The following PRKN variants were observed in gnomAD, a reference collection of about 807,000 sequenced individuals.
PRKN encodes parkin RBR E3 ubiquitin protein ligase.
Under a neutral mutation model 59.5 loss-of-function variants are expected in PRKN, and 56 were observed. The ratio of observed to expected loss-of-function variants is 0.94; its 90% CI spans 0.76 to 1.18. The LOEUF (loss-of-function observed/expected upper bound fraction) is 1.18. PRKN is among the 50% of genes most tolerant of loss of function. The pLI is 0.00. For missense variants in PRKN, 657 were observed against 596.4 expected, an observed-to-expected ratio of 1.10 and a Z score of -1.06; for synonymous variants, 250 against 222.1, an observed-to-expected ratio of 1.13 and a Z score of -1.12.
At chr6:162,475,688 C>T (rs4709629) in intron 1 of PRKN, among the ~76,000 whole-genome samples, 81,348 of 151,448 alleles carry the variant, frequency 0.54, 22,038 homozygotes, top group African/African-American at 0.63. Flanking sequence ...GTCATGCCTC[C>T]GGAAGTACAA....
chr6:161,665,193 T>C (rs1784682762), intron 7 of PRKN, among the ~76,000 whole-genome samples: 1 of 151,952 alleles, frequency 6.6e-6, no homozygotes, highest in Admixed American at 6.5e-5. Context: ...TAAATAATTT[T>C]ATATTTTATT....
chr6:162,632,034 T>G (rs1348536424), intron 1 of PRKN, among the ~76,000 whole-genome samples: 3 of 151,106 alleles, frequency 2.0e-5, no homozygotes, highest in African/African-American at 7.3e-5. Flanking sequence ...AAGGAAACGC[T>G]TATACACTTA....
At chr6:162,424,835 T>C (rs1789149994) in intron 2 of PRKN, among the ~76,000 whole-genome samples, 1 of 151,664 alleles carries the variant, frequency 6.6e-6, no homozygotes, top group African/African-American at 2.4e-5. Context: ...GGGAATGAGG[T>C]TGAGAATTTT....
intron 2 of PRKN, among the ~76,000 whole-genome samples, chr6:162,420,459 C>T (rs1788903146): frequency 6.6e-6 from 1 of 152,094 alleles, no homozygotes; most frequent in Non-Finnish European, 1.5e-5. Flanking sequence ...CATAACAGTG[C>T]CCTGGAGAGC....
At chr6:161,783,436 G>A (rs1790290605) in intron 7 of PRKN, among the ~76,000 whole-genome samples, 4 of 152,146 alleles carry the variant, frequency 2.6e-5, no homozygotes, top group Admixed American at 2.0e-4. Context: ...CATTCGGCGA[G>A]AATTACAAGA....
chr6:162,560,056 C>A (rs1434583537), intron 1 of PRKN, among the ~76,000 whole-genome samples: 2 of 152,152 alleles, frequency 1.3e-5, no homozygotes, highest in Admixed American at 1.3e-4. Context: ...ATATGTATTT[C>A]ATTCTCAGTT....
chr6:161,614,118 C>T (rs1782600997), intron 7 of PRKN, among the ~76,000 whole-genome samples: 1 of 152,226 alleles, frequency 6.6e-6, no homozygotes, highest in Non-Finnish European at 1.5e-5. Context: ...TCCCCTCCAT[C>T]TCTATGCATG....
At chr6:162,020,100 T>C (rs1783079002) in intron 5 of PRKN, among the ~76,000 whole-genome samples, 1 of 151,666 alleles carries the variant, frequency 6.6e-6, no homozygotes, top group Non-Finnish European at 1.5e-5. Flanking sequence ...TGCATGTGCA[T>C]TTGTAACCTG....
chr6:161,555,792 T>A (rs991649735), intron 8 of PRKN, among the ~76,000 whole-genome samples: 3 of 152,192 alleles, frequency 2.0e-5, no homozygotes, highest in African/African-American at 7.2e-5. Flanking sequence ...ATCTTGTCAA[T>A]AGTTTGTGGA....
chr6:162,445,956 C>T (rs1225118116), intron 1 of PRKN, among the ~76,000 whole-genome samples: 5 of 151,998 alleles, frequency 3.3e-5, no homozygotes, highest in Non-Finnish European at 5.9e-5. Context: ...AAAGGCCTGA[C>T]ATCTCTGACC....
rs371660535 is a variant in PRKN, at chr6:161,368,689, C to G, written c.1168-8484G>C. 3.7e-4 allele frequency among the ~76,000 whole-genome samples: 56 copies of G among 151,352 alleles called. 2 individuals carry two copies. The South Asian group carries it at 0.011, about 30-fold the overall frequency. On this transcript the variant is annotated intron_variant, in intron 10 of 11. Transcript: ENST00000366898. ...CCCTCCACTTGCCTGCTTCCCCTGG[C>G]ACCAGCACTGCAACTCCACTCCCAG...
intron 4 of PRKN, among the ~76,000 whole-genome samples, chr6:162,126,500 T>C (rs541046665): frequency 6.6e-6 from 1 of 152,352 alleles, no homozygotes; most frequent in Admixed American, 6.5e-5. Flanking sequence ...ATTGTTGCCA[T>C]GGTTCATTTT....
At chr6:162,231,699 C>A (rs776793580) in intron 3 of PRKN, among the ~76,000 whole-genome samples, 4 of 152,194 alleles carry the variant, frequency 2.6e-5, no homozygotes, top group Non-Finnish European at 4.4e-5. Context: ...AGGTTAATAC[C>A]GAATATGCTG....
chr6:161,945,134 C>G (rs1779731741), intron 6 of PRKN, among the ~76,000 whole-genome samples: 1 of 151,988 alleles, frequency 6.6e-6, no homozygotes, highest in Admixed American at 6.6e-5. Context: ...GGATGAGACG[C>G]TGAAATGGAG....
In PRKN at chr6:161,369,671, G is replaced by A. The variant is rs370848423; in HGVS notation, c.1168-9466C>T. Among the ~76,000 whole-genome samples the A allele has an allele frequency of 2.6e-5, 4 of 152,092 alleles. No homozygotes were observed. The highest frequency in any genetic ancestry group is 4.4e-5 in the Non-Finnish European group (3 of 68,032). On this transcript the variant is annotated intron_variant, in intron 10 of 11. Coordinates refer to ENST00000366898, the MANE Select transcript of PRKN (RefSeq NM_004562.3). This position sits in a 1 kb window ranked among gnomAD's most constrained non-coding sequence, Gnocchi z 5.8. ...TGCATGCATGCATGTGTGTACGCAC[G>A]CGTGGTGGAGGTGGGGGTGGAACAG...
chr6:161,809,969 A>G (rs1293166408), intron 6 of PRKN, among the ~76,000 whole-genome samples: 7 of 152,248 alleles, frequency 4.6e-5, no homozygotes, highest in Admixed American at 3.3e-4. Context: ...TTAATAAAAT[A>G]TAACAAACTT....
chr6:162,063,928 AAT>A (rs963890748), intron 4 of PRKN, among the ~76,000 whole-genome samples: 55 of 52,480 alleles, frequency 1.0e-3, no homozygotes, highest in African/African-American at 4.6e-3. Flanking sequence ...GAAAAATGAA[AAT>A]ACACACACAC....
At chr6:161,424,789 T>C (rs1222103524) in intron 9 of PRKN, among the ~76,000 whole-genome samples, 1 of 152,120 alleles carries the variant, frequency 6.6e-6, no homozygotes, top group Non-Finnish European at 1.5e-5. Context: ...AATTAACTCA[T>C]CTAGGAATGC....
rs1003301617 is a variant in PRKN, at chr6:161,582,064, A to G, written c.872-12648T>C. Reference sequence around the variant, plus strand: ...CCCAGCTCACCGTGCCCAGAGCTCCACGCATGACTGAATGGTGAATTTGGA... The same window carrying G: ...CCCAGCTCACCGTGCCCAGAGCTCCGCGCATGACTGAATGGTGAATTTGGA... On this transcript the variant is annotated intron_variant, in intron 7 of 11. Coordinates refer to ENST00000366898, the MANE Select transcript of PRKN (RefSeq NM_004562.3). The surrounding 1 kb of genome is among the most constrained non-coding windows in gnomAD (Gnocchi z 4.4). Among the ~76,000 whole-genome samples the G allele has an allele frequency of 2.0e-5, 3 of 152,196 alleles. No homozygotes were observed. The highest frequency in any genetic ancestry group is 4.4e-5 in the Non-Finnish European group (3 of 68,032).
Sources: allele counts gnomAD v4.1 joint callset (sites outside exome capture counted in the v4.1 genomes callset), GRCh38; gene constraint gnomAD v4.1.1; non-coding constraint Gnocchi (gnomAD v3.1); transcripts MANE v1.5; gene names NCBI Gene and HGNC (gene_info 2026-07-23, HGNC 2026-07-21).